SLF1: variants seen among roughly 807,000 people sequenced by gnomAD.
The protein encoded by SLF1 is SMC5-SMC6 complex localization factor protein 1.
SLF1 carries 105 observed loss-of-function variants against 123.0 expected under a neutral mutation model. The observed-to-expected ratio is 0.85, with a 90% CI of 0.73 to 1.00. The LOEUF (loss-of-function observed/expected upper bound fraction) is 1.00, where lower values mean the gene tolerates loss of function less well. SLF1 is among the 50% of genes least tolerant of loss of function. SLF1 has a pLI of 0.00. For synonymous variants in SLF1, 434 were observed against 406.6 expected, an observed-to-expected ratio of 1.07 and a Z score of -0.81; for missense variants, 1,239 against 1,223.0, an observed-to-expected ratio of 1.01 and a Z score of -0.20.
Position 94,691,656 on chromosome 5 carries a change from G to A in SLF1, c.2512G>A (p.Asp838Asn). ...SLPGIDINVK[D>N]NAGWTPLHEA... ...GCCAGGAATAGACATCAATGTTAAA[G>A]GTAAGTTTTAAATCTTTGTGGTCTA... Residue 838 changes from aspartate (D) to asparagine (N), a missense_variant and splice_region_variant, in exon 19 of 21, where the codon GAC (aspartate) becomes AAC (asparagine). Asp to Asn is a conservative substitution (Grantham distance 23). Transcript: ENST00000265140. The A allele has an allele frequency of 6.2e-7, 1 of 1,602,528 alleles. No homozygotes were observed. The highest frequency in any genetic ancestry group is 2.2e-5 in the East Asian group (1 of 44,582).
intron 4 of SLF1, among the ~76,000 whole-genome samples, chr5:94,631,130 A>G (rs962457809): frequency 1.3e-5 from 2 of 151,968 alleles, no homozygotes; most frequent in African/African-American, 4.8e-5. Context: ...TACTGTTTTC[A>G]TCATAATTTT....
intron 9 of SLF1, among the ~76,000 whole-genome samples, chr5:94,661,478 G>T (rs1749096424): frequency 6.6e-6 from 1 of 151,958 alleles, no homozygotes; most frequent in African/African-American, 2.4e-5. Context: ...AGAGCTGAGT[G>T]CCAAGCACTT....
At chr5:94,621,342 CTCCGATTTCCCAGTA>C (rs1193708599) in intron 1 of SLF1, among the ~76,000 whole-genome samples, 1 of 152,210 alleles carries the variant, frequency 6.6e-6, no homozygotes, top group Non-Finnish European at 1.5e-5. Context: ...TTCTTAATCA[CTCCGATTTCCCAGTA>C]TCCTCATCTG....
rs930950659 is a variant in SLF1 at position 94,640,924 on chromosome 5, T to C, written c.432-2349T>C. Reference sequence around the variant, plus strand: ...AAGTTGTTTTCTGATAATTTCAACATGTGGGTCATATTTCAGTGTATACTG... The same window carrying C: ...AAGTTGTTTTCTGATAATTTCAACACGTGGGTCATATTTCAGTGTATACTG... On this transcript the variant is annotated intron_variant, in intron 4 of 20. Coordinates refer to ENST00000265140, the MANE Select transcript of SLF1 (RefSeq NM_032290.4). Among the ~76,000 whole-genome samples, 3 of 152,234 alleles carry C rather than the reference T, an allele frequency of 2.0e-5. No homozygotes were observed. The South Asian group carries it at 6.2e-4, about 32-fold the overall frequency.
chr5:94,650,819 C>T (rs900307736), intron 6 of SLF1, among the ~76,000 whole-genome samples: 4 of 151,750 alleles, frequency 2.6e-5, no homozygotes, highest in African/African-American at 9.7e-5. Context: ...GTTGATGTGC[C>T]TCTTGTGAAA....
At chr5:94,677,390 G>A (rs1751202781) in intron 14 of SLF1, among the ~76,000 whole-genome samples, 1 of 152,042 alleles carries the variant, frequency 6.6e-6, no homozygotes, top group Non-Finnish European at 1.5e-5. Context: ...TAAATATTGT[G>A]ATAATAGATT....
intron 15 of SLF1, among the ~76,000 whole-genome samples, chr5:94,681,023 T>G (rs1457055818): frequency 6.6e-6 from 1 of 152,252 alleles, no homozygotes; most frequent in Non-Finnish European, 1.5e-5. Flanking sequence ...GCCTTTTTCT[T>G]TACCTTTCTC....
rs1745090918 is a variant in SLF1, at chr5:94,630,562, G to A, written c.250G>A (p.Asp84Asn). 8.4e-6 allele frequency: 13 copies of A among 1,551,666 alleles called. No individual in the cohort carries two copies. The highest frequency in any genetic ancestry group is 1.2e-5 in the South Asian group (1 of 84,054). The change falls in exon 4 of 21, where the codon GAT (aspartate) becomes AAT (asparagine). Residue 84 changes from aspartate (D) to asparagine (N), a missense_variant. By Grantham distance (23) the Asp-to-Asn change is conservative. Transcript: ENST00000265140. The part of the protein sequence containing the change: ...IHSAKSGRWL[D>N]ETTYEWGYKI... ...TAGTGCCAAAAGTGGCAGATGGCTTGATGAAACAACTTATGAATGGGGATA... is the reference window on the plus strand; with the variant it reads ...TAGTGCCAAAAGTGGCAGATGGCTTAATGAAACAACTTATGAATGGGGATA...
At chr5:94,663,700 C>A in intron 10 of SLF1, 50 bp from the exon 11 acceptor site, 2 of 1,373,152 alleles carry the variant, frequency 1.5e-6, no homozygotes, top group Non-Finnish European at 9.7e-7. Context: ...GATTTGATTG[C>A]AAAATTTTAT....
rs1391969124 is a variant in SLF1, at chr5:94,678,882, T to C, written c.1902T>C (p.Gly634=). The change falls in exon 15 of 21, where the codon GGT becomes GGC. Residue 634 remains glycine, a synonymous_variant. Coordinates refer to ENST00000265140, the MANE Select transcript of SLF1 (RefSeq NM_032290.4). ...CAATAGATTATTGGATTTTCCTTGG[T>C]CTTAAGATGGGTAGAAATGTGATGC... The part of the protein sequence containing the change: ...GAAIDYWIFL[G]LKMGRNVMRH... The C allele has an allele frequency of 3.1e-6, 5 of 1,613,746 alleles. No individual in the cohort carries two copies. The East Asian group carries it at 1.1e-4, about 36-fold the overall frequency.
chr5:94,687,968 TTATTTA>T (rs922811519), intron 16 of SLF1, among the ~76,000 whole-genome samples: 5 of 149,326 alleles, frequency 3.3e-5, no homozygotes, highest in African/African-American at 1.2e-4. Flanking sequence ...TTAATAATAA[TTATTTA>T]TTATTATTAA....
intron 1 of SLF1, among the ~76,000 whole-genome samples, chr5:94,626,933 TCTC>T (rs751752331): frequency 1.3e-5 from 2 of 152,162 alleles, no homozygotes; most frequent in African/African-American, 4.8e-5. Flanking sequence ...TAGCTGAACT[TCTC>T]CTCTTCAAAA....
At chr5:94,642,256 G>A (rs959176355) in intron 4 of SLF1, among the ~76,000 whole-genome samples, 2 of 152,182 alleles carry the variant, frequency 1.3e-5, no homozygotes, top group African/African-American at 4.8e-5. Flanking sequence ...ATGCTGTCAA[G>A]GAGAGCTCCC....
At chr5:94,641,197 C>T (rs893258771) in intron 4 of SLF1, among the ~76,000 whole-genome samples, 1 of 150,216 alleles carries the variant, frequency 6.7e-6, no homozygotes, top group Non-Finnish European at 1.5e-5. Flanking sequence ...CCCACCCCCC[C>T]ACAAAAACTC....
chr5:94,656,927 A>T (rs542589957), intron 9 of SLF1, among the ~76,000 whole-genome samples: 3 of 150,576 alleles, frequency 2.0e-5, no homozygotes, highest in Admixed American at 6.6e-5. Flanking sequence ...AAAAAAATTA[A>T]CTTATTTGTT....
At chr5:94,687,172 A>G (rs1752530215) in intron 16 of SLF1, among the ~76,000 whole-genome samples, 1 of 152,240 alleles carries the variant, frequency 6.6e-6, no homozygotes, top group Admixed American at 6.5e-5. Context: ...TCTGTCTCTA[A>G]TTAGAGTAAT....
chr5:94,680,798 A>G (rs1751672874), intron 15 of SLF1, among the ~76,000 whole-genome samples: 1 of 152,196 alleles, frequency 6.6e-6, no homozygotes, highest in Non-Finnish European at 1.5e-5. Flanking sequence ...AAAGCAGGAC[A>G]TTGTTATCCA....
chr5:94,686,424 C>G, intron 15 of SLF1, 149 bp from the exon 16 acceptor site: 2 of 796,854 alleles, frequency 2.5e-6, no homozygotes, highest in South Asian at 3.9e-5. Flanking sequence ...GTGATATGAC[C>G]TATTTTTTGT....
chr5:94,659,198 G>A (rs548473515), intron 9 of SLF1, among the ~76,000 whole-genome samples: 25 of 151,502 alleles, frequency 1.7e-4, no homozygotes, highest in Non-Finnish European at 2.8e-4. Context: ...TCTTTTCTAT[G>A]ATTATCTCTT....
Sources: allele counts gnomAD v4.1 joint callset (sites outside exome capture counted in the v4.1 genomes callset), GRCh38; gene constraint gnomAD v4.1.1; transcripts MANE v1.5; gene names NCBI Gene and HGNC (gene_info 2026-07-23, HGNC 2026-07-21).